Variants in ENTPD1 observed in about 807,000 individuals in gnomAD.
ENTPD1 encodes the protein ATP diphosphohydrolase.
A neutral mutation model predicts 57.0 loss-of-function variants in ENTPD1; 33 were observed. The ratio of observed to expected loss-of-function variants is 0.58; its 90% CI spans 0.44 to 0.77. The LOEUF is 0.77. ENTPD1 is among the 30% of genes least tolerant of loss of function. ENTPD1 has a pLI of 0.00. For synonymous variants in ENTPD1, 202 were observed against 218.8 expected (o/e 0.92, Z 0.68); for missense variants, 501 against 603.4 (o/e 0.83, Z 1.78).
intron 1 of ENTPD1, among the ~76,000 whole-genome samples, chr10:95,721,688 A>G (rs1396777885): frequency 2.7e-5 from 1 of 36,862 alleles, no homozygotes; most frequent in Non-Finnish European, 6.2e-5. Context: ...TTCCTATCTG[A>G]AAAAAAAAAA....
At chr10:95,750,739 T>C (rs2098010836), upstream of ENTPD1, among the ~76,000 whole-genome samples, 1 of 152,038 alleles carries the variant, frequency 6.6e-6, no homozygotes, top group Non-Finnish European at 1.5e-5. Flanking sequence ...ACATTCAGAG[T>C]TGTGGCCAGG....
chr10:95,715,795 C>A (rs1015879447), intron 1 of ENTPD1, among the ~76,000 whole-genome samples: 19 of 152,198 alleles, frequency 1.2e-4, no homozygotes, highest in Admixed American at 1.3e-4. Context: ...CAAAAGAAAT[C>A]CTGTATCTAT....
At chr10:95,735,711 T>G (rs188948962) in intron 1 of ENTPD1, among the ~76,000 whole-genome samples, 4 of 152,212 alleles carry the variant, frequency 2.6e-5, no homozygotes, top group African/African-American at 9.6e-5. Flanking sequence ...TTCTCCTGCC[T>G]CAGCCTCCCG....
At chr10:95,760,685 C>T (rs905731762) in intron 1 of ENTPD1, among the ~76,000 whole-genome samples, 12 of 152,178 alleles carry the variant, frequency 7.9e-5, no homozygotes, top group Non-Finnish European at 1.0e-4. Flanking sequence ...GTTGTTTCTC[C>T]GCTCTTTATA....
the ENTPD1 span, among the ~76,000 whole-genome samples, chr10:95,704,257 A>G: frequency 6.6e-6 from 1 of 152,186 alleles, no homozygotes; most frequent in African/African-American, 2.4e-5. Flanking sequence ...TCCAGTAAAA[A>G]TTTCAGCATT....
chr10:95,836,624 G>A (rs1334587213), intron 2 of ENTPD1, among the ~76,000 whole-genome samples: 1 of 152,172 alleles, frequency 6.6e-6, no homozygotes, highest in Admixed American at 6.6e-5. Context: ...ATAAGCTACA[G>A]AGAAATGTTG....
At position 95,773,856 on chromosome 10, in the gene ENTPD1, G is replaced by A. The variant is rs144839174; in HGVS notation, c.16+17601G>A. Among the ~76,000 whole-genome samples, 4 of 152,144 alleles carry A rather than the reference G, an allele frequency of 2.6e-5. No homozygotes were observed. In the East Asian group the frequency reaches 7.7e-4, roughly 29 times the overall value. ...TCCTTTGGGTAGATACCCAGTAATGGGATTGCTGGGTCAAATGGTATTTCT... is the reference window on the plus strand; with the variant it reads ...TCCTTTGGGTAGATACCCAGTAATGAGATTGCTGGGTCAAATGGTATTTCT... On this transcript the variant is annotated intron_variant, in intron 1 of 9. Transcript: ENST00000371205.
chr10:95,724,936 G>C (rs986720144), intron 1 of ENTPD1, among the ~76,000 whole-genome samples: 1 of 152,142 alleles, frequency 6.6e-6, no homozygotes, highest in Non-Finnish European at 1.5e-5. Context: ...TACATTTTCT[G>C]CTCATTTTTT....
intron 1 of ENTPD1, among the ~76,000 whole-genome samples, chr10:95,790,130 G>A (rs1014760661): frequency 6.6e-6 from 1 of 152,190 alleles, no homozygotes; most frequent in Non-Finnish European, 1.5e-5. Flanking sequence ...ATGAACTGTA[G>A]GTTGATGTCT....
chr10:95,717,749 A>C (rs1217346158), intron 1 of ENTPD1, among the ~76,000 whole-genome samples: 1 of 152,144 alleles, frequency 6.6e-6, no homozygotes, highest in Admixed American at 6.5e-5. Context: ...ACCGCTCTTA[A>C]CTGCTTCCTG....
At chr10:95,864,660 A>T in intron 8 of ENTPD1, 64 bp from the exon 9 acceptor site, 1 of 1,605,228 alleles carries the variant, frequency 6.2e-7, no homozygotes, top group Non-Finnish European at 8.5e-7. Flanking sequence ...GCTAGTAGAG[A>T]AAAAGAGGGC....
intron 1 of ENTPD1, among the ~76,000 whole-genome samples, chr10:95,713,832 C>T (rs1225336817): frequency 6.6e-6 from 1 of 152,194 alleles, no homozygotes; most frequent in Non-Finnish European, 1.5e-5. Context: ...GAAAAAAAAT[C>T]TATCAACTAT....
upstream of ENTPD1, among the ~76,000 whole-genome samples, chr10:95,710,574 TAATAAACAATG>T (rs1378048171): frequency 6.6e-6 from 1 of 152,202 alleles, no homozygotes; most frequent in Non-Finnish European, 1.5e-5. Flanking sequence ...TTTAAGAGAT[TAATAAACAATG>T]AATACATTGT....
At chr10:95,742,554 T>C (rs1483838623) in intron 1 of ENTPD1, among the ~76,000 whole-genome samples, 2 of 151,452 alleles carry the variant, frequency 1.3e-5, no homozygotes, top group East Asian at 3.9e-4. Context: ...TTTTTTTTTT[T>C]AGACCAATGG....
intron 1 of ENTPD1, among the ~76,000 whole-genome samples, chr10:95,814,858 C>G (rs1373419548): frequency 6.6e-6 from 1 of 152,098 alleles, no homozygotes; most frequent in Non-Finnish European, 1.5e-5. Flanking sequence ...TTCATTCTCA[C>G]CCCCACCCCT....
chr10:95,703,648 G>A, the ENTPD1 span, among the ~76,000 whole-genome samples: 4 of 152,062 alleles, frequency 2.6e-5, no homozygotes. Context: ...CAGGCGTGGT[G>A]GCAGGCGCCT....
chr10:95,825,421 C>T (rs181086168), intron 2 of ENTPD1, among the ~76,000 whole-genome samples: 11 of 152,290 alleles, frequency 7.2e-5, no homozygotes, highest in Admixed American at 2.0e-4. Context: ...AGGATCATCC[C>T]AAATATCATG....
chr10:95,745,250 C>T (rs557881652), intron 1 of ENTPD1, among the ~76,000 whole-genome samples: 1 of 152,306 alleles, frequency 6.6e-6, no homozygotes, highest in East Asian at 1.9e-4. Flanking sequence ...GTGGCACAAT[C>T]ATAGCTCACT....
the ENTPD1 span, among the ~76,000 whole-genome samples, chr10:95,695,184 G>A: frequency 3.3e-5 from 5 of 152,106 alleles, no homozygotes; most frequent in African/African-American, 1.2e-4. Flanking sequence ...GATTACAGCT[G>A]TGAGTCGCTG....
Sources: gnomAD v4.1 joint callset for allele counts (sites outside exome capture counted in the v4.1 genomes callset) on GRCh38, gnomAD v4.1.1 for gene constraint, MANE v1.5 for transcripts, NCBI Gene and HGNC (gene_info 2026-07-23, HGNC 2026-07-21) for gene names.